Variants in NCKAP5 observed in about 807,000 individuals in gnomAD.
NCKAP5 encodes the protein NCK associated protein 5, also known as nck-associated protein 5.
In NCKAP5, 92 loss-of-function variants were observed where a neutral mutation model predicts 167.0. The ratio of observed to expected loss-of-function variants is 0.55; its 90% CI spans 0.47 to 0.66. NCKAP5 has a LOEUF of 0.66. Ranked by LOEUF, NCKAP5 falls within the 30% of genes least tolerant of loss-of-function variation. The pLI is 0.00. For missense variants in NCKAP5, 2,378 were observed against 2,315.0 expected (o/e 1.03, Z -0.56); for synonymous variants, 891 against 877.4 (o/e 1.02, Z -0.27).
rs530554909 is a variant in NCKAP5 at position 133,469,584 on chromosome 2, T to C, written c.69+47874A>G. Among the ~76,000 whole-genome samples, 528 of 152,238 alleles carry C rather than the reference T, an allele frequency of 3.5e-3. 5 individuals are homozygous for C. Among genetic ancestry groups the C allele is most frequent in the African/African-American group, 0.012 (504 of 41,520 alleles). ...CCTTGCTAGATTGGGGAAGTTCTCC[T>C]GGATAATATCCTGCAGCGTGTTTTC... On this transcript the variant is annotated intron_variant, in intron 3 of 19. Coordinates refer to ENST00000409261, the MANE Select transcript of NCKAP5 (RefSeq NM_207363.3).
At chr2:132,930,710 C>G (rs1455555007) in intron 8 of NCKAP5, 2 of 152,108 alleles carry the variant, frequency 1.3e-5, no homozygotes, top group Non-Finnish European at 2.9e-5. Context: ...CATATTAAAC[C>G]TCCTCTCCTG....
intron 3 of NCKAP5, among the ~76,000 whole-genome samples, chr2:133,442,810 G>C (rs1231179784): frequency 3.3e-5 from 5 of 152,220 alleles, no homozygotes; most frequent in Non-Finnish European, 5.9e-5. Context: ...CCTCATGTCA[G>C]GCTGTGTCAG....
chr2:133,544,992 T>C (rs898438300), intron 2 of NCKAP5, among the ~76,000 whole-genome samples: 4 of 152,144 alleles, frequency 2.6e-5, no homozygotes, highest in African/African-American at 7.2e-5. Flanking sequence ...CAGCCTCATC[T>C]TAAGGGTAGT....
chr2:133,347,399 C>T (rs1304776203), intron 3 of NCKAP5, among the ~76,000 whole-genome samples: 3 of 151,896 alleles, frequency 2.0e-5, no homozygotes, highest in East Asian at 3.9e-4. Context: ...ACTAAAAGTA[C>T]AAAATTAGCC....
At chr2:133,588,623 C>T in the NCKAP5 span, among the ~76,000 whole-genome samples, 4 of 152,068 alleles carry the variant, frequency 2.6e-5, no homozygotes, top group Non-Finnish European at 5.9e-5. Context: ...ACTAAGGTCC[C>T]TACTTTCAAG....
At chr2:133,370,461 G>T in intron 3 of NCKAP5, among the ~76,000 whole-genome samples, 1 of 152,102 alleles carries the variant, frequency 6.6e-6, no homozygotes, top group Non-Finnish European at 1.5e-5. Flanking sequence ...TACCAATGAG[G>T]TGCCTCTAAA....
chr2:133,151,238 A>T (rs2083375153), intron 5 of NCKAP5, among the ~76,000 whole-genome samples: 1 of 152,164 alleles, frequency 6.6e-6, no homozygotes, highest in Non-Finnish European at 1.5e-5. Context: ...TGTTGTGATG[A>T]CTTTTTAGAT....
At chr2:133,496,604 G>A (rs1681972041) in intron 3 of NCKAP5, among the ~76,000 whole-genome samples, 1 of 152,210 alleles carries the variant, frequency 6.6e-6, no homozygotes, top group East Asian at 1.9e-4. Context: ...TAGCCCACCA[G>A]CATGGGTATC....
At chr2:132,738,921 C>T (rs1448963503) in intron 16 of NCKAP5, among the ~76,000 whole-genome samples, 2 of 152,108 alleles carry the variant, frequency 1.3e-5, no homozygotes, top group African/African-American at 2.4e-5. Flanking sequence ...ACTCCCATGA[C>T]CCAAACACCC....
chr2:133,187,808 T>C (rs1574314629), intron 5 of NCKAP5, among the ~76,000 whole-genome samples: 2 of 152,186 alleles, frequency 1.3e-5, no homozygotes, highest in East Asian at 3.9e-4. Context: ...ACACCTGCTT[T>C]TTTTTGTTTT....
intron 1 of NCKAP5, among the ~76,000 whole-genome samples, chr2:133,566,190 T>C (rs1473645551): frequency 6.6e-6 from 1 of 150,974 alleles, no homozygotes; most frequent in Non-Finnish European, 1.5e-5. Flanking sequence ...GAGAATGAAG[T>C]GGGAAGGAGG....
intron 8 of NCKAP5, chr2:132,954,834 C>A (rs1276979618): frequency 5.3e-6 from 2 of 375,258 alleles, no homozygotes; most frequent in Non-Finnish European, 1.0e-5. Flanking sequence ...CTTTTATAAT[C>A]AGAAAACTGC....
At chr2:133,612,298 G>A in the NCKAP5 span, among the ~76,000 whole-genome samples, 670 of 152,246 alleles carry the variant, frequency 4.4e-3, 1 homozygote, top group Non-Finnish European at 8.0e-3. Context: ...AAAATATCTG[G>A]ATTTAGTTTC....
At chr2:132,941,372 C>A (rs566650543) in intron 8 of NCKAP5, among the ~76,000 whole-genome samples, 2 of 152,176 alleles carry the variant, frequency 1.3e-5, no homozygotes, top group African/African-American at 4.8e-5. Context: ...CAGTGCCTAC[C>A]CTATGTCCCA....
chr2:133,191,032 G>A (rs1301228065), intron 5 of NCKAP5, among the ~76,000 whole-genome samples: 1 of 151,912 alleles, frequency 6.6e-6, no homozygotes, highest in Non-Finnish European at 1.5e-5. Flanking sequence ...TCTGACAAAG[G>A]GCTAATATAC....
At chr2:132,972,704 A>AG (rs2149241408) in intron 7 of NCKAP5, among the ~76,000 whole-genome samples, 1 of 152,206 alleles carries the variant, frequency 6.6e-6, no homozygotes, top group East Asian at 1.9e-4. Context: ...TACTAAAAAA[A>AG]ATACAAAAAT....
At chr2:133,371,785 C>A (rs1381767450) in intron 3 of NCKAP5, among the ~76,000 whole-genome samples, 2 of 152,120 alleles carry the variant, frequency 1.3e-5, no homozygotes. Context: ...AATGTGCTGC[C>A]CCTACCTGGT....
intron 4 of NCKAP5, among the ~76,000 whole-genome samples, chr2:133,297,621 T>A (rs1470581741): frequency 6.6e-6 from 1 of 152,184 alleles, no homozygotes; most frequent in Non-Finnish European, 1.5e-5. Flanking sequence ...CTTTTTAATC[T>A]TTGCACCTAG....
intron 5 of NCKAP5, among the ~76,000 whole-genome samples, chr2:133,154,061 C>T (rs149340884): frequency 2.6e-5 from 4 of 152,090 alleles, no homozygotes; most frequent in East Asian, 3.9e-4. Flanking sequence ...AAGCTGGTCT[C>T]GAACTCCTGG....
Sources: allele counts gnomAD v4.1 joint callset (sites outside exome capture counted in the v4.1 genomes callset), GRCh38; gene constraint gnomAD v4.1.1; transcripts MANE v1.5; gene names NCBI Gene and HGNC (gene_info 2026-07-23, HGNC 2026-07-21).